Variants in ARHGEF3 observed in about 807,000 individuals in gnomAD.
ARHGEF3 encodes Rho guanine nucleotide exchange factor 3.
In ARHGEF3, 28 loss-of-function variants were observed where a neutral mutation model predicts 63.2. That is an observed-to-expected ratio of 0.44 (90% CI 0.33 to 0.61). The LOEUF (loss-of-function observed/expected upper bound fraction) is 0.61, where lower values mean the gene tolerates loss of function less well. ARHGEF3 is among the 20% of genes least tolerant of loss of function. ARHGEF3 has a pLI of 0.03. For synonymous variants in ARHGEF3, 266 were observed against 254.2 expected (o/e 1.05, Z -0.44); for missense variants, 533 against 659.3 (o/e 0.81, Z 2.10).
intron 4 of ARHGEF3, among the ~76,000 whole-genome samples, chr3:56,848,953 G>A (rs1459173919): frequency 6.6e-6 from 1 of 152,202 alleles, no homozygotes; most frequent in Non-Finnish European, 1.5e-5. Context: ...ATAGGCGTGA[G>A]CCACCGCACC....
chr3:56,897,692 G>A (rs528045820), intron 3 of ARHGEF3, among the ~76,000 whole-genome samples: 4 of 150,934 alleles, frequency 2.7e-5, no homozygotes, highest in South Asian at 4.2e-4. Flanking sequence ...TCAGCCTCCC[G>A]AGTAGCTGGG....
At chr3:56,830,931 C>G (rs1398725761) in intron 4 of ARHGEF3, among the ~76,000 whole-genome samples, 1 of 152,214 alleles carries the variant, frequency 6.6e-6, no homozygotes, top group Admixed American at 6.5e-5. Flanking sequence ...CTCATCTCCC[C>G]TGCCACCACC....
chr3:56,752,173 G>A (rs1237716306), intron 4 of ARHGEF3, among the ~76,000 whole-genome samples: 3 of 148,316 alleles, frequency 2.0e-5, no homozygotes, highest in South Asian at 2.1e-4. Context: ...TGCCCGCCTC[G>A]GCCTCCCAAA....
At chr3:57,054,848 A>T (rs1293963115) in intron 1 of ARHGEF3, among the ~76,000 whole-genome samples, 2 of 151,422 alleles carry the variant, frequency 1.3e-5, no homozygotes, top group Non-Finnish European at 1.5e-5. Context: ...ACGGGGTTTC[A>T]CCATGTTGGC....
At chr3:56,815,433 T>C (rs2038233283) in intron 4 of ARHGEF3, among the ~76,000 whole-genome samples, 1 of 152,224 alleles carries the variant, frequency 6.6e-6, no homozygotes, top group Non-Finnish European at 1.5e-5. Flanking sequence ...AAAATTAGCA[T>C]GTTTGGTATA....
intron 2 of ARHGEF3, among the ~76,000 whole-genome samples, chr3:56,975,256 A>G (rs1428644538): frequency 6.6e-6 from 1 of 152,086 alleles, no homozygotes; most frequent in Non-Finnish European, 1.5e-5. Flanking sequence ...CGTCTCTACT[A>G]AAAATTCAAA....
chr3:57,042,064 G>A (rs1210052266), intron 1 of ARHGEF3, among the ~76,000 whole-genome samples: 1 of 152,174 alleles, frequency 6.6e-6, no homozygotes, highest in Non-Finnish European at 1.5e-5. Flanking sequence ...ACACAGCAGC[G>A]CACCTGGGCC....
intron 4 of ARHGEF3, among the ~76,000 whole-genome samples, chr3:56,813,351 T>C (rs1195158896): frequency 6.6e-6 from 1 of 152,234 alleles, no homozygotes; most frequent in Non-Finnish European, 1.5e-5. Flanking sequence ...CTATCCCATT[T>C]TAATGCATGT....
At chr3:56,977,146 C>G (rs780339392) in intron 2 of ARHGEF3, 2 of 431,054 alleles carry the variant, frequency 4.6e-6, no homozygotes, top group African/African-American at 2.0e-5. Context: ...TAAGGCCAGA[C>G]AGTCCAATTC....
rs9834429 is a variant in ARHGEF3, at chr3:57,035,190, C to A, written c.-27-14G>T. ...GGCTCAGGTCTCCTTTTTTAAAAAG[C>A]AAAACAACCAACATTTATCATCTAG... On this transcript the variant is annotated splice_polypyrimidine_tract_variant and intron_variant, in intron 1 of 12. Coordinates refer to the ARHGEF3 transcript ENST00000338458. The A allele has an allele frequency of 7.0e-3, 9,661 of 1,387,272 alleles. 560 individuals carry two copies. In the African/African-American group the frequency reaches 0.12, roughly 18 times the overall value. The allele number at this position is 1,387,272 out of a possible 1,614,324, so 85.9% of individuals were successfully genotyped here.
intron 3 of ARHGEF3, among the ~76,000 whole-genome samples, chr3:56,909,044 G>A (rs2041781259): frequency 6.6e-6 from 1 of 152,102 alleles, no homozygotes; most frequent in Non-Finnish European, 1.5e-5. Flanking sequence ...GTCAGACCCT[G>A]GACCTGACAC....
intron 1 of ARHGEF3, chr3:57,074,314 G>C (rs1706105211): frequency 6.4e-7 from 1 of 1,551,830 alleles, no homozygotes; most frequent in Non-Finnish European, 8.8e-7. Context: ...CTGTTTGTCT[G>C]GGCCTTTGCA....
chr3:56,801,304 CGACACTGGGGCTTGCTGACACTTCCCT>C (rs1478297755), intron 1 of ARHGEF3, among the ~76,000 whole-genome samples: 8 of 152,282 alleles, frequency 5.3e-5, no homozygotes, highest in South Asian at 2.1e-4. Flanking sequence ...TAAAGGGTAG[CGACACTGGGGCTTGCTGACACTTCCCT>C]GACACTGGGG....
In ARHGEF3 at chr3:56,916,210, C is replaced by T. The variant is rs116102735; in HGVS notation, c.130-33856G>A. The T allele has an allele frequency of 4.9e-4, 698 of 1,421,330 alleles. 2 individuals carry two copies. In the African/African-American group the frequency reaches 8.6e-3, roughly 17 times the overall value. 88.0% of individuals were successfully genotyped at this position (1,421,330 alleles called of 1,614,324 possible). A position where few individuals can be genotyped will look rare whatever the true frequency, so the allele number is the denominator to read the frequency against. On this transcript the variant is annotated intron_variant, in intron 3 of 12. Coordinates refer to the ARHGEF3 transcript ENST00000338458. Reference sequence around the variant, plus strand: ...TCAGTTTCTTGGAAGGTAAAGAGAACACTGCATCCTCCCACACCTCAGATC... The same window carrying T: ...TCAGTTTCTTGGAAGGTAAAGAGAATACTGCATCCTCCCACACCTCAGATC...
chr3:56,748,418 C>T (rs2034524562), intron 6 of ARHGEF3, among the ~76,000 whole-genome samples: 1 of 152,142 alleles, frequency 6.6e-6, no homozygotes, highest in Non-Finnish European at 1.5e-5. Context: ...GAAGCTTGTT[C>T]TTGCTTCCCC....
At chr3:56,802,040 G>T (rs1464764474), upstream of ARHGEF3, 38 of 1,368,308 alleles carry the variant, frequency 2.8e-5, no homozygotes, top group Non-Finnish European at 3.5e-5. Flanking sequence ...GCCCCACGCT[G>T]CCGGGAGGGC....
intron 3 of ARHGEF3, among the ~76,000 whole-genome samples, chr3:56,935,670 G>A (rs1374413913): frequency 6.6e-5 from 10 of 151,806 alleles, no homozygotes; most frequent in Admixed American, 1.3e-4. Context: ...CTGAGCCAGC[G>A]AGACCACGAA....
chr3:56,931,914 T>C (rs1352410729), intron 3 of ARHGEF3, among the ~76,000 whole-genome samples: 1 of 152,194 alleles, frequency 6.6e-6, no homozygotes, highest in African/African-American at 2.4e-5. Context: ...ATCAAGGTGC[T>C]TTCCTCCCCT....
intron 2 of ARHGEF3, among the ~76,000 whole-genome samples, chr3:56,971,623 G>C (rs778665460): frequency 6.6e-6 from 1 of 151,502 alleles, no homozygotes; most frequent in Admixed American, 6.6e-5. Context: ...AGGCCGAGGT[G>C]GGTGGATCAT....
Sources: allele counts gnomAD v4.1 joint callset (sites outside exome capture counted in the v4.1 genomes callset), GRCh38; gene constraint gnomAD v4.1.1; transcripts MANE v1.5; gene names NCBI Gene and HGNC (gene_info 2026-07-23, HGNC 2026-07-21).